The following GABBR2 variants were observed in gnomAD, a reference collection of about 807,000 sequenced individuals.
GABBR2 encodes gamma-aminobutyric acid type B receptor subunit 2.
In GABBR2, 23 loss-of-function variants were observed where a neutral mutation model predicts 105.6. The ratio of observed to expected loss-of-function variants is 0.22; its 90% CI spans 0.16 to 0.31. The LOEUF is 0.31. GABBR2 is among the 10% of genes least tolerant of loss of function. The probability of loss-of-function intolerance (pLI) is 1.00; values close to 1 mark genes in which losing one functional copy is unlikely to be tolerated. For synonymous variants in GABBR2, 478 were observed against 499.7 expected (o/e 0.96, Z 0.58); for missense variants, 734 against 1,245.5 (o/e 0.59, Z 6.18).
intron 7 of GABBR2, among the ~76,000 whole-genome samples, chr9:98,425,148 A>G (rs1384933629): frequency 6.6e-6 from 1 of 152,174 alleles, no homozygotes; most frequent in East Asian, 1.9e-4. Context: ...TTGCAAAACC[A>G]TATACCAAAA....
intron 18 of GABBR2, among the ~76,000 whole-genome samples, chr9:98,291,161 C>T (rs1830297637): frequency 6.6e-6 from 1 of 152,170 alleles, no homozygotes; most frequent in South Asian, 2.1e-4. Flanking sequence ...CTAGCTGAGC[C>T]TCGCCTACCT....
At chr9:98,393,425 TTCCA>T (rs1286619543) in intron 9 of GABBR2, among the ~76,000 whole-genome samples, 2 of 93,508 alleles carry the variant, frequency 2.1e-5, no homozygotes. Flanking sequence ...CAGCCCAACC[TTCCA>T]TCCATCCATC....
chr9:98,342,959 C>A (rs1588112609), intron 13 of GABBR2, among the ~76,000 whole-genome samples: 1 of 152,286 alleles, frequency 6.6e-6, no homozygotes, highest in East Asian at 1.9e-4. Context: ...CCCCCCAGAG[C>A]AGCTGTAGAG....
At position 98,306,005 on chromosome 9, in the gene GABBR2, T is replaced by C; in HGVS notation, c.2229+116A>G. On this transcript the variant is annotated intron_variant, in intron 15 of 18. Transcript: ENST00000259455. The surrounding 1 kb of genome is among the most constrained non-coding windows in gnomAD (Gnocchi z 5.4). ...TGAATTTTCTATAATGTGAATTGTC[T>C]TCATCATAAAAAAAAAAAGGAATGG... is the stretch of plus-strand genomic sequence containing the variant. 1 of 701,834 alleles carries C rather than the reference T, an allele frequency of 1.4e-6. No homozygotes were observed. The highest frequency in any genetic ancestry group is 2.4e-6 in the Non-Finnish European group (1 of 416,778). 43.5% of individuals were successfully genotyped at this position (701,834 alleles called of 1,614,324 possible). A position where few individuals can be genotyped will look rare whatever the true frequency, so the allele number is the denominator to read the frequency against.
chr9:98,567,838 G>C (rs868447334), intron 2 of GABBR2, among the ~76,000 whole-genome samples: 1 of 152,204 alleles, frequency 6.6e-6, no homozygotes, highest in Admixed American at 6.5e-5. Flanking sequence ...CCTCTGTTCA[G>C]TCTCCTGCAT....
At chr9:98,469,934 T>C (rs1369783309) in intron 6 of GABBR2, among the ~76,000 whole-genome samples, 2 of 152,204 alleles carry the variant, frequency 1.3e-5, no homozygotes, top group South Asian at 2.1e-4. Flanking sequence ...AGCAGCTATA[T>C]AGAACGCAAA....
At chr9:98,636,750 T>TC (rs1440329614) in intron 1 of GABBR2, among the ~76,000 whole-genome samples, 2 of 152,072 alleles carry the variant, frequency 1.3e-5, no homozygotes, top group African/African-American at 4.8e-5. Flanking sequence ...CACCTCAGCC[T>TC]CCCAAAGTGC....
rs148472891 is a variant in GABBR2 at position 98,367,536 on chromosome 9, T to C, written c.1770+3928A>G. On this transcript the variant is annotated intron_variant, in intron 12 of 18. Coordinates refer to ENST00000259455, the MANE Select transcript of GABBR2 (RefSeq NM_005458.8). ...TTTCAGTTTGGGAAGATGAAAAGGT[T>C]TGGAGATGGATGGTGATGATGGTTG... Among the ~76,000 whole-genome samples, 16 of 152,054 alleles carry C rather than the reference T, an allele frequency of 1.1e-4. No homozygotes were observed. The East Asian group carries it at 3.1e-3, about 29-fold the overall frequency.
chr9:98,583,874 GATTACCC>G (rs1255275746), intron 1 of GABBR2, among the ~76,000 whole-genome samples: 11 of 152,206 alleles, frequency 7.2e-5, no homozygotes, highest in Non-Finnish European at 4.4e-5. Flanking sequence ...AAGGGCTGTT[GATTACCC>G]TTCTTTTCCT....
In GABBR2 at chr9:98,290,535, C is replaced by G. The variant is rs1345395883; in HGVS notation, c.*49G>C. 4 of 1,260,278 alleles carry G rather than the reference C, an allele frequency of 3.2e-6. No individual in the cohort carries two copies. Among genetic ancestry groups the G allele is most frequent in the Non-Finnish European group, 4.1e-6 (4 of 973,464 alleles). 78.1% of individuals were successfully genotyped at this position (1,260,278 alleles called of 1,614,324 possible). On this transcript the variant is annotated 3_prime_UTR_variant, in exon 19 of 19. Coordinates refer to ENST00000259455, the MANE Select transcript of GABBR2 (RefSeq NM_005458.8). ...GTGTTTCTGCAGCAGACCCCTCTGC[C>G]CAGTGTGGTTCTGTCACGGGGGAGG...
chr9:98,397,886 T>C (rs1832322420), intron 8 of GABBR2, among the ~76,000 whole-genome samples: 1 of 152,148 alleles, frequency 6.6e-6, no homozygotes, highest in Non-Finnish European at 1.5e-5. Context: ...CCAGGCAGTA[T>C]AAGGTCTCAT....
intron 1 of GABBR2, chr9:98,607,097 T>C: frequency 6.3e-7 from 1 of 1,594,004 alleles, no homozygotes. Context: ...ATTCACGCTA[T>C]GGTAGTGGGT....
intron 3 of GABBR2, among the ~76,000 whole-genome samples, chr9:98,514,700 A>G (rs1390760699): frequency 9.8e-5 from 14 of 142,996 alleles, no homozygotes; most frequent in East Asian, 9.3e-4. Flanking sequence ...CCTAATGCTA[A>G]ATGACGAGTT....
chr9:98,523,266 G>T (rs1304977083), intron 3 of GABBR2, among the ~76,000 whole-genome samples: 2 of 152,182 alleles, frequency 1.3e-5, no homozygotes, highest in Non-Finnish European at 2.9e-5. Flanking sequence ...AATAAATTAA[G>T]AAGTAGATAA....
At chr9:98,348,651 C>A (rs903371225) in intron 13 of GABBR2, among the ~76,000 whole-genome samples, 1 of 152,112 alleles carries the variant, frequency 6.6e-6, no homozygotes. Context: ...TCTTTCACTT[C>A]CTTGGTCAAT....
intron 2 of GABBR2, among the ~76,000 whole-genome samples, chr9:98,555,360 C>T (rs1165123452): frequency 6.6e-6 from 1 of 152,180 alleles, no homozygotes; most frequent in Non-Finnish European, 1.5e-5. Context: ...TGTCCAAATC[C>T]TAATCTATTA....
chr9:98,432,306 A>G (rs904011440), intron 7 of GABBR2, among the ~76,000 whole-genome samples: 7 of 152,278 alleles, frequency 4.6e-5, no homozygotes, highest in Non-Finnish European at 8.8e-5. Context: ...GACAGAGAAA[A>G]AGGGGTGGTG....
intron 5 of GABBR2, among the ~76,000 whole-genome samples, chr9:98,477,547 A>C (rs1826818849): frequency 6.6e-6 from 1 of 152,174 alleles, no homozygotes; most frequent in African/African-American, 2.4e-5. Context: ...TTTTCTCTGC[A>C]TCTGGTAGAA....
chr9:98,524,835 C>T (rs2779582), intron 3 of GABBR2, among the ~76,000 whole-genome samples: 6,979 of 151,770 alleles, frequency 0.046, 243 homozygotes, highest in South Asian at 0.12. Flanking sequence ...AAAAAAAAAA[C>T]TCTCCAGTAG....
Sources: gnomAD v4.1 joint callset for allele counts (sites outside exome capture counted in the v4.1 genomes callset) on GRCh38, gnomAD v4.1.1 for gene constraint, Gnocchi (gnomAD v3.1) non-coding constraint, MANE v1.5 for transcripts, NCBI Gene and HGNC (gene_info 2026-07-23, HGNC 2026-07-21) for gene names.